GRID2: variants seen among roughly 807,000 people sequenced by gnomAD.
The protein encoded by GRID2 is glutamate ionotropic receptor delta type subunit 2, also known as glutamate receptor ionotropic, delta-2.
Under a neutral mutation model 114.8 loss-of-function variants are expected in GRID2, and 33 were observed. The observed-to-expected ratio is 0.29, with a 90% CI of 0.22 to 0.38. The LOEUF (loss-of-function observed/expected upper bound fraction) is 0.38, where lower values mean the gene tolerates loss of function less well. Among genes scored for constraint, GRID2 ranks in the 10% least tolerant of loss-of-function variants. The pLI is 1.00. For synonymous variants in GRID2, 505 were observed against 449.9 expected, an observed-to-expected ratio of 1.12 and a Z score of -1.55; for missense variants, 1,184 against 1,257.7, an observed-to-expected ratio of 0.94 and a Z score of 0.89.
chr4:92,758,170 G>C (rs1737823917), intron 2 of GRID2, among the ~76,000 whole-genome samples: 1 of 152,038 alleles, frequency 6.6e-6, no homozygotes, highest in African/African-American at 2.4e-5. Context: ...TCTTTTGCTT[G>C]TTTGCCTTTT....
intron 2 of GRID2, among the ~76,000 whole-genome samples, chr4:92,630,337 G>T (rs1260268705): frequency 6.6e-6 from 1 of 152,120 alleles, no homozygotes; most frequent in Non-Finnish European, 1.5e-5. Flanking sequence ...AGAGTACTTA[G>T]ATTCAACTTC....
intron 2 of GRID2, among the ~76,000 whole-genome samples, chr4:92,800,757 T>G (rs1740119583): frequency 6.6e-6 from 1 of 151,998 alleles, no homozygotes; most frequent in Non-Finnish European, 1.5e-5. Context: ...TTTTAGGCTG[T>G]CAGGACTCAA....
chr4:93,275,563 C>T (rs1215145533), intron 8 of GRID2, among the ~76,000 whole-genome samples: 1 of 151,592 alleles, frequency 6.6e-6, no homozygotes, highest in Admixed American at 6.6e-5. Context: ...TGGCAATATA[C>T]GAGGGTTCAA....
intron 1 of GRID2, among the ~76,000 whole-genome samples, chr4:92,435,648 C>G (rs1267581819): frequency 2.6e-5 from 4 of 152,202 alleles, no homozygotes; most frequent in Non-Finnish European, 4.4e-5. Flanking sequence ...TCTACAAGAA[C>G]TTTCCGAGCT....
chr4:92,712,066 G>C (rs937140581), intron 2 of GRID2, among the ~76,000 whole-genome samples: 21 of 151,962 alleles, frequency 1.4e-4, no homozygotes, highest in Non-Finnish European at 7.4e-5. Flanking sequence ...TGATCATGAC[G>C]GCCGTATTAG....
At chr4:93,400,143 T>G (rs1905734) in intron 9 of GRID2, among the ~76,000 whole-genome samples, 36,818 of 151,952 alleles carry the variant, frequency 0.24, 6,615 homozygotes, top group African/African-American at 0.5. Context: ...CTGATAATCT[T>G]CCTTCTGAAT....
chr4:92,375,679 T>C (rs1387003462), intron 1 of GRID2, among the ~76,000 whole-genome samples: 1 of 152,172 alleles, frequency 6.6e-6, no homozygotes, highest in Non-Finnish European at 1.5e-5. Flanking sequence ...GTTGGAAATA[T>C]CACAAATTAA....
chr4:92,606,665 C>T (rs917246903), intron 2 of GRID2, among the ~76,000 whole-genome samples: 2 of 151,922 alleles, frequency 1.3e-5, no homozygotes, highest in African/African-American at 4.8e-5. Flanking sequence ...GGTTTTTGCA[C>T]TATTCCCCTT....
rs112311289 is a variant in GRID2, at chr4:93,750,935, A to G, written c.2361-18275A>G. Among the ~76,000 whole-genome samples the G allele has an allele frequency of 6.9e-3, 1,048 of 152,308 alleles. 14 individuals are homozygous for G. Among genetic ancestry groups the G allele is most frequent in the African/African-American group, 0.024 (1,002 of 41,578 alleles). On this transcript the variant is annotated intron_variant, in intron 14 of 15. Transcript: ENST00000282020. The stretch of plus-strand genomic sequence containing the variant: ...ATCAAACAGGTGAAAATACAGTTCA[A>G]GGTTTGGGAAATGTGGAGAAAGTTG...
chr4:93,238,608 A>C, intron 8 of GRID2, 118 bp downstream of exon 8: 20 of 659,600 alleles, frequency 3.0e-5, no homozygotes, highest in East Asian at 3.7e-5. Context: ...TGAAAGAGAA[A>C]GCAGGGGGTG....
intron 2 of GRID2, among the ~76,000 whole-genome samples, chr4:93,070,850 A>G (rs1438410797): frequency 6.6e-6 from 1 of 152,120 alleles, no homozygotes; most frequent in African/African-American, 2.4e-5. Flanking sequence ...TACTTGATAT[A>G]TCACTACTAT....
chr4:93,060,121 A>G (rs1178641761), intron 2 of GRID2, among the ~76,000 whole-genome samples: 1 of 152,096 alleles, frequency 6.6e-6, no homozygotes, highest in Non-Finnish European at 1.5e-5. Context: ...TTGGCATGAA[A>G]TGCTGTCGTT....
At chr4:92,330,844 G>C (rs1726848208) in intron 1 of GRID2, among the ~76,000 whole-genome samples, 1 of 151,984 alleles carries the variant, frequency 6.6e-6, no homozygotes, top group Non-Finnish European at 1.5e-5. Context: ...AAAAAGTTCT[G>C]AATTTTTTTC....
intron 13 of GRID2, among the ~76,000 whole-genome samples, chr4:93,605,766 C>T (rs17020844): frequency 0.037 from 5,662 of 152,250 alleles, 350 homozygotes; most frequent in African/African-American, 0.13. Context: ...CAGAAGTTTA[C>T]AGTTACATGG....
rs910505955 is a variant in GRID2, at chr4:92,467,546, C to T, written c.89-122585C>T. ...AGTACTGTATGCATCTGGATATATT[C>T]GAAAAAAATCTTTCCACATTCTCTT... On this transcript the variant is annotated intron_variant, in intron 1 of 15. Transcript: ENST00000282020. Among the ~76,000 whole-genome samples the T allele has an allele frequency of 4.0e-5, 6 of 151,760 alleles. No individual in the cohort carries two copies. In the South Asian group the frequency reaches 1.0e-3, roughly 26 times the overall value.
intron 4 of GRID2, among the ~76,000 whole-genome samples, chr4:93,206,821 T>G (rs1742851913): frequency 1.3e-5 from 2 of 152,288 alleles, no homozygotes; most frequent in Non-Finnish European, 2.9e-5. Context: ...TTAATGCTAG[T>G]ATGTTGCCTA....
In GRID2 at chr4:93,769,319, G is replaced by A. The variant is rs747894868; in HGVS notation, c.2470G>A (p.Gly824Ser). ...GTCAGTGGACACAAAGCAGAAAGGA[G>A]GCGCCCTGGACATAAAGAGCTTTGC... The part of the protein sequence containing the change: ...YSSVDTKQKG[G>S]ALDIKSFAGV... The change falls in exon 15 of 16, where the codon GGC (glycine) becomes AGC (serine). Residue 824 changes from glycine (G) to serine (S), a missense_variant. Around this residue, in one of 3 missense-constraint regions of GRID2, gnomAD observed 717 missense variants for 796.9 expected, o/e 0.90. Transcript: ENST00000282020. The A allele has an allele frequency of 1.9e-6, 3 of 1,614,014 alleles. No homozygotes were observed. The Admixed American group carries it at 5.0e-5, about 27-fold the overall frequency.
intron 14 of GRID2, among the ~76,000 whole-genome samples, chr4:93,671,192 G>A (rs1469792147): frequency 6.6e-6 from 1 of 152,158 alleles, no homozygotes; most frequent in East Asian, 1.9e-4. Context: ...GTGGCAGAAA[G>A]CACTCTGAGC....
chr4:92,633,930 T>C (rs1157030658), intron 2 of GRID2, among the ~76,000 whole-genome samples: 1 of 151,880 alleles, frequency 6.6e-6, no homozygotes, highest in Non-Finnish European at 1.5e-5. Context: ...GATTATTACT[T>C]TCACAAAAGA....
Sources: allele counts gnomAD v4.1 joint callset (sites outside exome capture counted in the v4.1 genomes callset), GRCh38; gene constraint gnomAD v4.1.1; regional missense constraint gnomAD v4.1.1; transcripts MANE v1.5; gene names NCBI Gene and HGNC (gene_info 2026-07-23, HGNC 2026-07-21).